RNF17: variants seen among roughly 807,000 people sequenced by gnomAD.
RNF17 encodes ring finger protein 17, also known as spermatogenesis associated 23.
RNF17 carries 31 observed loss-of-function variants against 200.5 expected under a neutral mutation model. The ratio of observed to expected loss-of-function variants is 0.15; its 90% CI spans 0.12 to 0.21. RNF17 has a LOEUF of 0.21. Among genes scored for constraint, RNF17 ranks in the 10% least tolerant of loss-of-function variants. The probability of loss-of-function intolerance (pLI) is 1.00; values close to 1 mark genes in which losing one functional copy is unlikely to be tolerated. For synonymous variants in RNF17, 606 were observed against 637.8 expected (o/e 0.95, Z 0.75); for missense variants, 1,628 against 1,905.1 (o/e 0.85, Z 2.71).
intron 18 of RNF17, among the ~76,000 whole-genome samples, chr13:24,835,137 A>G (rs1426715477): frequency 6.6e-6 from 1 of 151,616 alleles, no homozygotes; most frequent in Non-Finnish European, 1.5e-5. Context: ...ATCTGGGAAT[A>G]TCACCCCCAT....
At chr13:24,750,661 A>C in the RNF17 span, 3 of 152,202 alleles carry the variant, frequency 2.0e-5, no homozygotes, top group African/African-American at 7.2e-5. Context: ...GAGCTTGAAA[A>C]TATTTATTTT....
chr13:24,766,675 T>C (rs956307597), intron 1 of RNF17, among the ~76,000 whole-genome samples: 1 of 152,226 alleles, frequency 6.6e-6, no homozygotes, highest in Non-Finnish European at 1.5e-5. Flanking sequence ...GAAACAGAGC[T>C]AGATAGGAGT....
intron 4 of RNF17, among the ~76,000 whole-genome samples, chr13:24,778,762 A>G (rs920714162): frequency 4.6e-5 from 7 of 152,338 alleles, no homozygotes; most frequent in African/African-American, 1.7e-4. Context: ...AAAAGGCCTA[A>G]TTATGTTTGT....
At chr13:24,754,674 T>G in the RNF17 span, among the ~76,000 whole-genome samples, 346 of 152,236 alleles carry the variant, frequency 2.3e-3, no homozygotes, top group African/African-American at 7.8e-3. Flanking sequence ...GCAGATCGCT[T>G]GAGACCAGGG....
intron 18 of RNF17, among the ~76,000 whole-genome samples, chr13:24,841,530 T>G (rs1471402920): frequency 1.3e-5 from 2 of 152,230 alleles, no homozygotes; most frequent in Non-Finnish European, 2.9e-5. Flanking sequence ...GTTCACTAAT[T>G]TGTATATGTT....
intron 13 of RNF17, among the ~76,000 whole-genome samples, chr13:24,800,759 G>C (rs1219133795): frequency 1.3e-5 from 2 of 152,162 alleles, no homozygotes; most frequent in African/African-American, 2.4e-5. Context: ...TTAACATAAT[G>C]ATTGGTTAAG....
rs183967286 is a variant in RNF17, at chr13:24,842,763, G to A, written c.2603+602G>A. Among the ~76,000 whole-genome samples the A allele has an allele frequency of 4.6e-3, 697 of 152,110 alleles. 1 individual carries two copies. The highest frequency in any genetic ancestry group is 8.0e-3 in the Non-Finnish European group (547 of 67,990). On this transcript the variant is annotated intron_variant, in intron 19 of 35. Coordinates refer to ENST00000255324, the MANE Select transcript of RNF17 (RefSeq NM_031277.3). ...GGCCCTGGAGGAGGCTGAGATGGGC[G>A]GATCACTTGAGAGGAGTTTGAGACC...
chr13:24,787,238 C>T (rs1365693409), intron 6 of RNF17, among the ~76,000 whole-genome samples: 1 of 152,114 alleles, frequency 6.6e-6, no homozygotes, highest in Non-Finnish European at 1.5e-5. Context: ...TGATTATTCT[C>T]TAGTTCTTTG....
chr13:24,759,905 A>T (rs1566100160), upstream of RNF17, among the ~76,000 whole-genome samples: 1 of 151,980 alleles, frequency 6.6e-6, no homozygotes, highest in Non-Finnish European at 1.5e-5. Context: ...CTTTGGGAGG[A>T]TGAGGCGGGT....
At chr13:24,773,382 A>G (rs967531825) in intron 2 of RNF17, among the ~76,000 whole-genome samples, 1 of 152,256 alleles carries the variant, frequency 6.6e-6, no homozygotes, top group Non-Finnish European at 1.5e-5. Flanking sequence ...ATTAAAAAGA[A>G]TGAAATAATG....
At position 24,866,170 on chromosome 13, in the gene RNF17, G is replaced by T. The variant is rs769059458; in HGVS notation, c.4128G>T (p.Lys1376Asn). ...KEKPRSDHDK[K>N]YEEEQWEIRF... Reference sequence around the variant, plus strand: ...AACCAAGATCAGATCATGATAAAAAGTATGAAGAGGAACAATGGGAAATAA... The same window carrying T: ...AACCAAGATCAGATCATGATAAAAATTATGAAGAGGAACAATGGGAAATAA... The change falls in exon 30 of 36, where the codon AAG becomes AAT. Residue 1376 changes from lysine (K) to asparagine (N), a missense_variant. By Grantham distance (94) the Lys-to-Asn change is moderately conservative (BLOSUM62 0). Transcript: ENST00000255324. 2.6e-6 allele frequency: 4 copies of T among 1,556,942 alleles called. No individual in the cohort carries two copies. The highest frequency in any genetic ancestry group is 1.1e-5 in the South Asian group (1 of 88,052).
chr13:24,756,171 TC>T, the RNF17 span, among the ~76,000 whole-genome samples: 3 of 152,230 alleles, frequency 2.0e-5, no homozygotes, highest in Non-Finnish European at 4.4e-5. Flanking sequence ...CATGTAAATA[TC>T]TTTTTTACTT....
intron 15 of RNF17, chr13:24,824,119 A>G: frequency 1.4e-6 from 1 of 701,354 alleles, no homozygotes; most frequent in South Asian, 1.6e-5. Context: ...AATACCACAA[A>G]ACTTTCCTAC....
At chr13:24,862,581 T>G (rs921332424) in intron 27 of RNF17, 132 bp from the exon 28 acceptor site, 1 of 605,976 alleles carries the variant, frequency 1.7e-6, no homozygotes, top group African/African-American at 1.8e-5. Context: ...TGATATTCTC[T>G]GAGAACTGCT....
the RNF17 span, among the ~76,000 whole-genome samples, chr13:24,754,177 A>T: frequency 6.6e-6 from 1 of 151,322 alleles, no homozygotes; most frequent in Non-Finnish European, 1.5e-5. Flanking sequence ...TAAAAAAAAA[A>T]TAAAATAAAA....
chr13:24,760,673 C>A (rs1459881927), upstream of RNF17, among the ~76,000 whole-genome samples: 1 of 152,046 alleles, frequency 6.6e-6, no homozygotes, highest in East Asian at 1.9e-4. Context: ...AGGAAACAGT[C>A]AGCAAAGTAA....
At chr13:24,758,046 C>T in the RNF17 span, among the ~76,000 whole-genome samples, 1 of 152,190 alleles carries the variant, frequency 6.6e-6, no homozygotes. Flanking sequence ...AGCTTCCCCT[C>T]ACTTTCCACC....
At chr13:24,865,457 G>C (rs1256413689) in intron 29 of RNF17, among the ~76,000 whole-genome samples, 1 of 152,122 alleles carries the variant, frequency 6.6e-6, no homozygotes, top group African/African-American at 2.4e-5. Context: ...CTCATTCCTT[G>C]CCTGGTGCTT....
chr13:24,765,707 G>A (rs1853873700), intron 1 of RNF17, among the ~76,000 whole-genome samples: 1 of 152,186 alleles, frequency 6.6e-6, no homozygotes, highest in African/African-American at 2.4e-5. Flanking sequence ...CTAAACTGGA[G>A]AAGTAGTGGT....
Sources: allele counts gnomAD v4.1 joint callset (sites outside exome capture counted in the v4.1 genomes callset), GRCh38; gene constraint gnomAD v4.1.1; transcripts MANE v1.5; gene names NCBI Gene and HGNC (gene_info 2026-07-23, HGNC 2026-07-21).